The following MYO9B variants were observed in gnomAD, a reference collection of about 807,000 sequenced individuals.
MYO9B encodes the protein myosin IXB, also known as unconventional myosin-IXb.
In MYO9B, 71 loss-of-function variants were observed where a neutral mutation model predicts 229.5. That is an observed-to-expected ratio of 0.31 (90% CI 0.26 to 0.38). The LOEUF is 0.38. MYO9B is among the 10% of genes least tolerant of loss of function. MYO9B has a pLI of 1.00. For synonymous variants in MYO9B, 1,185 were observed against 1,235.8 expected (o/e 0.96, Z 0.86); for missense variants, 2,255 against 2,920.5 (o/e 0.77, Z 5.25).
At chr19:17,160,381 CAAAACGAGGGGGACACA>C (rs1461392379) in intron 8 of MYO9B, among the ~76,000 whole-genome samples, 1 of 151,858 alleles carries the variant, frequency 6.6e-6, no homozygotes, top group Non-Finnish European at 1.5e-5. Flanking sequence ...CCAAGAAATG[CAAAACGAGGGGGACACA>C]TTCTAGATCT....
At chr19:17,134,413 A>T in intron 2 of MYO9B, among the ~76,000 whole-genome samples, 1 of 76,174 alleles carries the variant, frequency 1.3e-5, no homozygotes, top group African/African-American at 5.7e-5. Flanking sequence ...TTTTTTTGAG[A>T]CAGACTCTCG....
chr19:17,202,720 G>C, intron 28 of MYO9B, 122 bp from the exon 29 acceptor site: 1 of 992,876 alleles, frequency 1.0e-6, no homozygotes, highest in Non-Finnish European at 1.5e-6. Flanking sequence ...TAGGGACAAT[G>C]ATGCCACTCC....
At chr19:17,159,192 TCAAA>T (rs374133743) in intron 7 of MYO9B, among the ~76,000 whole-genome samples, 199 bp from the exon 8 acceptor site, 2,364 of 102,842 alleles carry the variant, frequency 0.023, 74 homozygotes, top group African/African-American at 0.082. Context: ...AGACTCTGTC[TCAAA>T]CAAACAAACA....
rs577054371 is a variant in MYO9B, at chr19:17,106,434, T to C, written c.840+3877T>C. ...AAGACTCTGGGTGACACAGGAGCTA[T>C]AGAGGTTCTGAGCAGAGGTAGATGC... On this transcript the variant is annotated intron_variant, in intron 2 of 39. Transcript: ENST00000682292. 2.6e-5 allele frequency among the ~76,000 whole-genome samples: 4 copies of C among 152,314 alleles called. No individual in the cohort carries two copies. In the East Asian group the frequency reaches 7.7e-4, roughly 29 times the overall value.
intron 2 of MYO9B, among the ~76,000 whole-genome samples, chr19:17,119,992 C>T (rs2057946594): frequency 6.6e-6 from 1 of 152,284 alleles, no homozygotes; most frequent in East Asian, 1.9e-4. Flanking sequence ...GGCAAAACCC[C>T]GTTGCTACGA....
intron 2 of MYO9B, among the ~76,000 whole-genome samples, chr19:17,132,685 G>C (rs1470534836): frequency 1.4e-5 from 2 of 142,286 alleles, no homozygotes; most frequent in East Asian, 4.2e-4. Flanking sequence ...CCACCACCAC[G>C]CCCAGCTAAT....
chr19:17,206,117 A>T lies in MYO9B; in HGVS notation c.5222A>T (p.Asn1741Ile). The change falls in exon 32 of 40, where the codon AAC becomes ATC. Residue 1741 changes from asparagine to isoleucine, a missense_variant. By Grantham distance (149) the Asn-to-Ile change is moderately radical. Transcript: ENST00000682292. ...CTCTACCGCAAGTCGGGTGCTGCCA[A>T]CCGCACTCGGGAGCTCCGGCAGGCG... ...EGLYRKSGAA[N>I]RTRELRQALQ... The T allele has an allele frequency of 6.2e-7, 1 of 1,607,012 alleles. No homozygotes were observed. The highest frequency in any genetic ancestry group is 8.5e-7 in the Non-Finnish European group (1 of 1,175,286).
chr19:17,183,869 G>C lies in MYO9B; in HGVS notation c.2373+1G>C. 6.4e-7 allele frequency: 1 copy of C among 1,570,612 alleles called. No homozygotes were observed. Among genetic ancestry groups the C allele is most frequent in the Admixed American group, 1.9e-5 (1 of 53,248 alleles). On this transcript the variant is annotated splice_donor_variant, in intron 16 of 39. Transcript: ENST00000682292. LOFTEE classifies it high-confidence loss of function. The stretch of plus-strand genomic sequence containing the variant: ...CAAACAAAAGCAGATCATTCCAAAG[G>C]TAAAAAAAAAAACACACCCCGCGCG...
At chr19:17,102,952 T>C in intron 2 of MYO9B, among the ~76,000 whole-genome samples, 1 of 147,126 alleles carries the variant, frequency 6.8e-6, no homozygotes, top group East Asian at 2.0e-4. Flanking sequence ...TGGTGGCTCA[T>C]GTCTATAACC....
intron 2 of MYO9B, among the ~76,000 whole-genome samples, chr19:17,139,995 C>T (rs1298403779): frequency 5.3e-5 from 8 of 151,692 alleles, no homozygotes; most frequent in East Asian, 1.9e-4. Flanking sequence ...GAGCTGAGAT[C>T]GCGCCATTGC....
At chr19:17,114,924 C>CTT (rs139596465) in intron 2 of MYO9B, among the ~76,000 whole-genome samples, 122 of 137,646 alleles carry the variant, frequency 8.9e-4, no homozygotes, top group Non-Finnish European at 1.3e-3. Flanking sequence ...TGCTTTTCCC[C>CTT]TTTTTTTTTT....
chr19:17,076,540 C>T (rs554377131), intron 1 of MYO9B, among the ~76,000 whole-genome samples: 132 of 152,034 alleles, frequency 8.7e-4, no homozygotes, highest in Non-Finnish European at 1.6e-3. Context: ...TTAGAGTGGC[C>T]CCGTGCAGAT....
intron 13 of MYO9B, among the ~76,000 whole-genome samples, chr19:17,174,535 G>T (rs2072761802): frequency 6.6e-6 from 1 of 152,206 alleles, no homozygotes; most frequent in African/African-American, 2.4e-5. Context: ...CCACAGGGAG[G>T]CTGAGGTAGG....
intron 2 of MYO9B, among the ~76,000 whole-genome samples, chr19:17,109,380 G>A (rs1195081956): frequency 2.6e-5 from 4 of 152,050 alleles, no homozygotes; most frequent in Non-Finnish European, 5.9e-5. Context: ...TTTCTAATAA[G>A]AGGAATAAGA....
chr19:17,148,095 C>A (rs888567006), intron 3 of MYO9B, among the ~76,000 whole-genome samples: 1 of 152,182 alleles, frequency 6.6e-6, no homozygotes, highest in African/African-American at 2.4e-5. Flanking sequence ...TCTTTTTCTT[C>A]CCGTGGGTCC....
Position 17,188,011 on chromosome 19 carries a change from G to A in MYO9B, c.2654G>A (p.Arg885Gln), listed in dbSNP as rs1430369184. 3.7e-6 allele frequency: 6 copies of A among 1,600,538 alleles called. No homozygotes were observed. The highest frequency in any genetic ancestry group is 4.5e-5 in the East Asian group (2 of 44,122). ...GGCATGCTGGAGACCGTGCGCATCC[G>A]GAGGTCAGGGTACAGCGCCAAGTAC... ...YTGMLETVRI[R>Q]RSGYSAKYTF... The change falls in exon 19 of 40, where the codon CGG becomes CAG. Residue 885 changes from arginine (R) to glutamine (Q), a missense_variant. By Grantham distance (43) the Arg-to-Gln change is conservative. Transcript: ENST00000682292.
intron 31 of MYO9B, 71 bp downstream of exon 31, chr19:17,205,407 C>A: frequency 6.8e-7 from 1 of 1,480,696 alleles, no homozygotes; most frequent in Non-Finnish European, 9.4e-7. Flanking sequence ...GGAGGTGGTG[C>A]TTGATGTGAG....
chr19:17,132,513 T>TTTATTATTA (rs1399927847), intron 2 of MYO9B, among the ~76,000 whole-genome samples: 1 of 109,750 alleles, frequency 9.1e-6, no homozygotes, highest in African/African-American at 3.7e-5. Context: ...TATTTATTTA[T>TTTATTATTA]TTATTATTAT....
At chr19:17,085,357 A>C (rs181134699) in intron 1 of MYO9B, among the ~76,000 whole-genome samples, 1 of 152,256 alleles carries the variant, frequency 6.6e-6, no homozygotes, top group Admixed American at 6.5e-5. Context: ...AGATCCTGGC[A>C]GGCAGAGAGC....
Sources: allele counts gnomAD v4.1 joint callset (sites outside exome capture counted in the v4.1 genomes callset), GRCh38; gene constraint gnomAD v4.1.1; transcripts MANE v1.5; gene names NCBI Gene and HGNC (gene_info 2026-07-23, HGNC 2026-07-21).